The following ACSM1 variants were observed in gnomAD, a reference collection of about 807,000 sequenced individuals.
ACSM1 encodes the protein acyl-CoA synthetase medium chain family member 1, also known as acyl-coenzyme A synthetase ACSM1, mitochondrial.
Under a neutral mutation model 75.8 loss-of-function variants are expected in ACSM1, and 79 were observed. That is an observed-to-expected ratio of 1.04 (90% CI 0.87 to 1.26). The LOEUF is 1.26. Ranked by LOEUF, ACSM1 falls within the 50% of genes most tolerant of loss-of-function variation. The pLI, the probability that ACSM1 is intolerant of heterozygous loss-of-function variation, is 0.00. For missense variants in ACSM1, 676 were observed against 720.1 expected (o/e 0.94, Z 0.70); for synonymous variants, 279 against 265.8 (o/e 1.05, Z -0.48).
chr16:20,658,833 A>G (rs1278813159), intron 7 of ACSM1, among the ~76,000 whole-genome samples: 2 of 152,216 alleles, frequency 1.3e-5, no homozygotes, highest in African/African-American at 4.8e-5. Flanking sequence ...TTAAATTCCA[A>G]TTTAATGTTG....
intron 6 of ACSM1, among the ~76,000 whole-genome samples, chr16:20,664,596 G>C (rs1335115420): frequency 1.3e-5 from 2 of 152,148 alleles, no homozygotes; most frequent in Non-Finnish European, 1.5e-5. Flanking sequence ...ACACATGATT[G>C]AGACAGAAAA....
intron 2 of ACSM1, among the ~76,000 whole-genome samples, chr16:20,686,085 G>A (rs961609304): frequency 1.3e-5 from 2 of 151,958 alleles, no homozygotes; most frequent in Non-Finnish European, 2.9e-5. Context: ...AAGTAGCAAA[G>A]TTTAAATAAG....
intron 10 of ACSM1, among the ~76,000 whole-genome samples, chr16:20,628,285 A>G (rs1254079785): frequency 6.6e-6 from 1 of 152,110 alleles, no homozygotes; most frequent in South Asian, 2.1e-4. Flanking sequence ...ACCAGTCTTC[A>G]GATGTCCCAT....
chr16:20,678,470 G>A (rs2079360648), intron 4 of ACSM1, among the ~76,000 whole-genome samples: 1 of 152,174 alleles, frequency 6.6e-6, no homozygotes, highest in African/African-American at 2.4e-5. Context: ...CATGCCATGT[G>A]AAAAACTGCT....
At chr16:20,638,289 C>T (rs2017843924) in intron 8 of ACSM1, among the ~76,000 whole-genome samples, 1 of 152,204 alleles carries the variant, frequency 6.6e-6, no homozygotes, top group Non-Finnish European at 1.5e-5. Flanking sequence ...ACAAGGCACA[C>T]ACCACGTGTT....
At chr16:20,694,725 T>C (rs903912033) in intron 1 of ACSM1, among the ~76,000 whole-genome samples, 1 of 152,208 alleles carries the variant, frequency 6.6e-6, no homozygotes, top group Non-Finnish European at 1.5e-5. Flanking sequence ...CCCCCATGAA[T>C]GTATGTGGTG....
At chr16:20,656,645 T>G (rs1312543840) in intron 7 of ACSM1, among the ~76,000 whole-genome samples, 1 of 152,198 alleles carries the variant, frequency 6.6e-6, no homozygotes, top group Non-Finnish European at 1.5e-5. Flanking sequence ...AAACTATGAA[T>G]GTTATTTATC....
chr16:20,651,412 T>G (rs959248254), intron 7 of ACSM1, among the ~76,000 whole-genome samples: 12 of 152,176 alleles, frequency 7.9e-5, no homozygotes, highest in African/African-American at 2.9e-4. Context: ...GCACATTACC[T>G]GAGGTCAGGA....
intron 4 of ACSM1, among the ~76,000 whole-genome samples, chr16:20,676,367 G>A (rs1166933913): frequency 6.6e-6 from 1 of 152,198 alleles, no homozygotes; most frequent in Non-Finnish European, 1.5e-5. Flanking sequence ...TCTCAGAGGT[G>A]CTCCAGGGTG....
In ACSM1 at chr16:20,624,218, G is replaced by A; in HGVS notation, c.1528-3C>T. 1 of 1,605,640 alleles carries A rather than the reference G, an allele frequency of 6.2e-7. No individual in the cohort carries two copies. The highest frequency in any genetic ancestry group is 2.2e-5 in the East Asian group (1 of 44,606). On this transcript the variant is annotated splice_region_variant and splice_polypyrimidine_tract_variant and intron_variant, in intron 12 of 13. Coordinates refer to ENST00000520010, the MANE Select transcript of ACSM1 (RefSeq NM_001318890.3). The stretch of plus-strand genomic sequence containing the variant: ...AGGACAATAAAGGCCTTCACCACCT[G>A]CAGAATGAAGTCATGGGCTCACAGT...
At chr16:20,681,089 C>A (rs2152307205) in intron 4 of ACSM1, 1 of 152,236 alleles carries the variant, frequency 6.6e-6, no homozygotes, top group South Asian at 2.1e-4. Flanking sequence ...ATATTATTGG[C>A]CAGCTACCTG....
In ACSM1 at chr16:20,648,588, CAG is replaced by C. The variant is rs2018479836; in HGVS notation, c.993-8006_993-8005del. On this transcript the variant is annotated intron_variant, in intron 7 of 13. Transcript: ENST00000520010. This position sits in a 1 kb window ranked among gnomAD's most constrained non-coding sequence, Gnocchi z 4.2. ...AAACTAACCAGCATTAACATTAAAACAGAGACCTTAAGATAATTTATTATCTC... is the reference window on the plus strand; with the variant it reads ...AAACTAACCAGCATTAACATTAAAACAGACCTTAAGATAATTTATTATCTC... Among the ~76,000 whole-genome samples, 1 of 152,192 alleles carries C rather than the reference CAG, an allele frequency of 6.6e-6. No homozygotes were observed. Among genetic ancestry groups the C allele is most frequent in the Non-Finnish European group, 1.5e-5 (1 of 68,030 alleles).
chr16:20,660,159 T>C (rs2019220907), intron 7 of ACSM1, among the ~76,000 whole-genome samples: 1 of 152,194 alleles, frequency 6.6e-6, no homozygotes, highest in South Asian at 2.1e-4. Context: ...TCATCAACAG[T>C]AGTAGTTTCC....
In ACSM1 at chr16:20,671,572, T is replaced by C; in HGVS notation, c.711A>G (p.Lys237=). 1 of 1,613,682 alleles carries C rather than the reference T, an allele frequency of 6.2e-7. No individual in the cohort carries two copies. The highest frequency in any genetic ancestry group is 8.5e-7 in the Non-Finnish European group (1 of 1,179,812). The change falls in exon 5 of 14, where the codon AAA becomes AAG. Residue 237 remains lysine (K), a synonymous_variant. Transcript: ENST00000520010. ...SGTTGFPKMA[K]HSHGLALQPS... ...GTTGTAAGGCCAACCCATGGGAGTGTTTTGCCATCTTGGGGAAGCCTGTGG... is the reference window on the plus strand; with the variant it reads ...GTTGTAAGGCCAACCCATGGGAGTGCTTTGCCATCTTGGGGAAGCCTGTGG...
In ACSM1 at chr16:20,660,766, T is replaced by C. The variant is rs74011814; in HGVS notation, c.992+1028A>G. 8.0e-3 allele frequency among the ~76,000 whole-genome samples: 1,224 copies of C among 152,338 alleles called. 6 individuals carry two copies. Among genetic ancestry groups the C allele is most frequent in the African/African-American group, 0.018 (733 of 41,580 alleles). On this transcript the variant is annotated intron_variant, in intron 7 of 13. Coordinates refer to ENST00000520010, the MANE Select transcript of ACSM1 (RefSeq NM_001318890.3). ...CTGATTTTTGAACTAGCCATTTCAATTTCAGAGTCCCTAAAAGATACATAA... is the reference window on the plus strand; with the variant it reads ...CTGATTTTTGAACTAGCCATTTCAACTTCAGAGTCCCTAAAAGATACATAA...
rs1301096998 is a variant in ACSM1 at position 20,640,495 on chromosome 16, A to C, written c.1082T>G (p.Leu361Arg). The change falls in exon 8 of 14, where the codon CTT (leucine) becomes CGT (arginine). Residue 361 changes from leucine (L) to arginine (R), a missense_variant. By Grantham distance (102) the Leu-to-Arg change is moderately radical (BLOSUM62 -2). Transcript: ENST00000520010. ...DQEEWKRRTG[L>R]LLYENYGQSE... ...CTGCCCATAGTTCTCGTAGAGCAGA[A>C]GGCCCGTCCGTCTTTTCCACTCCTC... 7 of 1,614,046 alleles carry C rather than the reference A, an allele frequency of 4.3e-6. No individual in the cohort carries two copies. The highest frequency in any genetic ancestry group is 1.3e-5 in the African/African-American group (1 of 74,934).
At chr16:20,626,010 C>T (rs2016901386) in intron 11 of ACSM1, among the ~76,000 whole-genome samples, 1 of 151,972 alleles carries the variant, frequency 6.6e-6, no homozygotes. Context: ...ACATAATTGC[C>T]TTTTTTTTCT....
chr16:20,696,021 T>C (rs1353072994), intron 1 of ACSM1, among the ~76,000 whole-genome samples: 2 of 152,214 alleles, frequency 1.3e-5, no homozygotes, highest in Non-Finnish European at 2.9e-5. Context: ...ACCTTTTCTA[T>C]GTTTCAATAC....
At chr16:20,649,539 A>G (rs1244251515) in intron 7 of ACSM1, among the ~76,000 whole-genome samples, 1 of 152,154 alleles carries the variant, frequency 6.6e-6, no homozygotes, top group Non-Finnish European at 1.5e-5. Flanking sequence ...AGCATTTTAC[A>G]ACCTGTTCTC....
Sources: gnomAD v4.1 joint callset for allele counts (sites outside exome capture counted in the v4.1 genomes callset) on GRCh38, gnomAD v4.1.1 for gene constraint, Gnocchi (gnomAD v3.1) non-coding constraint, MANE v1.5 for transcripts, NCBI Gene and HGNC (gene_info 2026-07-23, HGNC 2026-07-21) for gene names.